EFCAB3: variants seen among roughly 807,000 people sequenced by gnomAD.
EFCAB3 encodes EF-hand calcium binding domain 3, also known as EF-hand calcium-binding domain-containing protein 3.
A neutral mutation model predicts 42.2 loss-of-function variants in EFCAB3; 36 were observed. The ratio of observed to expected loss-of-function variants is 0.85; its 90% CI spans 0.65 to 1.13. EFCAB3 has a LOEUF of 1.13. Ranked by LOEUF, EFCAB3 falls within the 50% of genes most tolerant of loss-of-function variation. The probability of loss-of-function intolerance (pLI) is 0.00; values close to 1 mark genes in which losing one functional copy is unlikely to be tolerated. For synonymous variants in EFCAB3, 170 were observed against 172.8 expected, an observed-to-expected ratio of 0.98 and a Z score of 0.13; for missense variants, 418 against 505.1, an observed-to-expected ratio of 0.83 and a Z score of 1.65.
intron 2 of EFCAB3, among the ~76,000 whole-genome samples, chr17:62,386,049 T>C (rs2144067198): frequency 6.6e-6 from 1 of 152,160 alleles, no homozygotes; most frequent in Admixed American, 6.5e-5. Context: ...TTAAACTGCT[T>C]CTTATAAAGC....
intron 2 of EFCAB3, among the ~76,000 whole-genome samples, chr17:62,386,420 G>A (rs1052201445): frequency 2.6e-5 from 4 of 151,846 alleles, no homozygotes; most frequent in African/African-American, 9.7e-5. Context: ...CCATACATAT[G>A]CTGGTAAAAA....
At position 62,408,958 on chromosome 17, in the gene EFCAB3, T is replaced by A. The variant is rs565043337; in HGVS notation, c.867+1746T>A. On this transcript the variant is annotated intron_variant, in intron 8 of 9. Coordinates refer to ENST00000305286, the MANE Select transcript of EFCAB3 (RefSeq NM_173503.4). ...CAAATGTCACTTTAGGAGGCCTCTC[T>A]AACAACCCCATTAAAATAACAATCC... is the stretch of plus-strand genomic sequence containing the variant. Among the ~76,000 whole-genome samples the A allele has an allele frequency of 4.6e-5, 7 of 152,238 alleles. No individual in the cohort carries two copies. In the East Asian group the frequency reaches 1.2e-3, roughly 25 times the overall value.
rs960415835 is a variant in EFCAB3, at chr17:62,386,797, G to T, written c.75-543G>T. 1.0e-4 allele frequency among the ~76,000 whole-genome samples: 15 copies of T among 150,486 alleles called. 1 individual carries two copies. Among genetic ancestry groups the T allele is most frequent in the Admixed American group, 7.3e-4 (11 of 15,072 alleles). ...AATCGTAACTGGTTTTTTGGGGTTT[G>T]TTTTTTTTTGAGATAGGGTCTCACT... On this transcript the variant is annotated intron_variant, in intron 2 of 9. Transcript: ENST00000305286.
Position 62,381,390 on chromosome 17 carries a change from G to C in EFCAB3, c.-18+777G>C, listed in dbSNP as rs532437116. Among the ~76,000 whole-genome samples, 3 of 152,018 alleles carry C rather than the reference G, an allele frequency of 2.0e-5. No individual in the cohort carries two copies. The South Asian group carries it at 6.2e-4, about 32-fold the overall frequency. ...ATATGTGCCACATTTTCTTAATCCA[G>C]TCTATCATTGTTGGACATTTGGCTT... is the stretch of plus-strand genomic sequence containing the variant. On this transcript the variant is annotated intron_variant, in intron 1 of 9. Coordinates refer to ENST00000305286, the MANE Select transcript of EFCAB3 (RefSeq NM_173503.4).
intron 2 of EFCAB3, among the ~76,000 whole-genome samples, chr17:62,384,344 T>C (rs555364277): frequency 6.6e-6 from 1 of 152,318 alleles, no homozygotes; most frequent in South Asian, 2.1e-4. Flanking sequence ...ATAAGAACTT[T>C]ACATTGCCTG....
intron 6 of EFCAB3, among the ~76,000 whole-genome samples, chr17:62,395,958 C>T (rs187751785): frequency 6.6e-6 from 1 of 152,246 alleles, no homozygotes; most frequent in Non-Finnish European, 1.5e-5. Context: ...TTTATACTCT[C>T]CTGTCTCTCT....
intron 6 of EFCAB3, among the ~76,000 whole-genome samples, chr17:62,398,506 A>C (rs2144092215): frequency 6.6e-6 from 1 of 151,682 alleles, no homozygotes; most frequent in South Asian, 2.1e-4. Flanking sequence ...TGCAAAAAAA[A>C]AAAAAAACAA....
At chr17:62,406,974 T>C in intron 7 of EFCAB3, 54 bp from the exon 8 acceptor site, 1 of 1,526,760 alleles carries the variant, frequency 6.5e-7, no homozygotes, top group South Asian at 1.3e-5. Flanking sequence ...TGGTCTTTTA[T>C]GTGAACTTCT....
intron 3 of EFCAB3, 133 bp downstream of exon 3, chr17:62,387,549 T>A: frequency 1.4e-6 from 1 of 692,636 alleles, no homozygotes; most frequent in South Asian, 2.1e-5. Flanking sequence ...AAAAAAACCT[T>A]ACATTTTTGT....
intron 6 of EFCAB3, among the ~76,000 whole-genome samples, chr17:62,400,626 C>A (rs1388674027): frequency 2.0e-5 from 3 of 152,166 alleles, no homozygotes; most frequent in Admixed American, 2.0e-4. Flanking sequence ...TCCAGTCTAT[C>A]ATTGATGGAC....
chr17:62,400,677 C>A (rs1465435701), intron 6 of EFCAB3, among the ~76,000 whole-genome samples: 1 of 152,070 alleles, frequency 6.6e-6, no homozygotes, highest in Non-Finnish European at 1.5e-5. Flanking sequence ...TGAATAGTGC[C>A]ACAATAAACA....
At chr17:62,390,051 G>T (rs1252268086) in intron 3 of EFCAB3, among the ~76,000 whole-genome samples, 1 of 152,080 alleles carries the variant, frequency 6.6e-6, no homozygotes, top group Non-Finnish European at 1.5e-5. Flanking sequence ...CTCCCAAAGT[G>T]CTGGGATTAC....
At chr17:62,390,599 C>A (rs1258012159) in intron 3 of EFCAB3, among the ~76,000 whole-genome samples, 2 of 152,180 alleles carry the variant, frequency 1.3e-5, no homozygotes, top group Non-Finnish European at 2.9e-5. Context: ...GCACTTGGAG[C>A]AATACCTGGT....
chr17:62,415,458 C>T (rs1330690498), intron 9 of EFCAB3, among the ~76,000 whole-genome samples: 1 of 152,186 alleles, frequency 6.6e-6, no homozygotes, highest in Non-Finnish European at 1.5e-5. Flanking sequence ...AAGGGCCTGC[C>T]TGTCCTTTGT....
intron 8 of EFCAB3, among the ~76,000 whole-genome samples, chr17:62,407,991 A>T (rs1482296096): frequency 1.3e-5 from 2 of 152,224 alleles, no homozygotes; most frequent in Non-Finnish European, 2.9e-5. Flanking sequence ...CCTCAGGTTC[A>T]GACTTTATCT....
rs777459121 is a variant in EFCAB3 at position 62,389,944 on chromosome 17, G to A, written c.152-1878G>A. Among the ~76,000 whole-genome samples the A allele has an allele frequency of 2.6e-5, 4 of 151,962 alleles. No individual in the cohort carries two copies. The South Asian group carries it at 6.2e-4, about 24-fold the overall frequency. ...TGGGACTACAGGCACCCGCCACCAC[G>A]CTCAGCTAATTTTTTGTATTTTTAG... is the stretch of plus-strand genomic sequence containing the variant. On this transcript the variant is annotated intron_variant, in intron 3 of 9. Transcript: ENST00000305286.
chr17:62,411,809 G>A (rs2070497735), intron 8 of EFCAB3, among the ~76,000 whole-genome samples: 1 of 140,278 alleles, frequency 7.1e-6, no homozygotes, highest in African/African-American at 2.6e-5. Context: ...ATGGAGGGAG[G>A]GAGGGAGGGA....
At chr17:62,405,818 CA>C (rs373282169) in intron 6 of EFCAB3, among the ~76,000 whole-genome samples, 1 of 151,770 alleles carries the variant, frequency 6.6e-6, no homozygotes, top group Non-Finnish European at 1.5e-5. Flanking sequence ...ACATACGCTC[CA>C]AAAAAAATGA....
chr17:62,377,820 A>G, upstream of EFCAB3: 1 of 616,608 alleles, frequency 1.6e-6, no homozygotes. Context: ...AAGAAACAAT[A>G]TGAAAGATGG....
Sources: gnomAD v4.1 joint callset for allele counts (sites outside exome capture counted in the v4.1 genomes callset) on GRCh38, gnomAD v4.1.1 for gene constraint, MANE v1.5 for transcripts, NCBI Gene and HGNC (gene_info 2026-07-23, HGNC 2026-07-21) for gene names.